Variants in PPM1N observed in about 807,000 individuals in gnomAD.
PPM1N encodes protein phosphatase, Mg2+/Mn2+ dependent 1N (putative).
A neutral mutation model predicts 32.6 loss-of-function variants in PPM1N; 35 were observed. The ratio of observed to expected loss-of-function variants is 1.07; its 90% CI spans 0.82 to 1.43. The LOEUF is 1.43. PPM1N is among the 40% of genes most tolerant of loss of function. The pLI, the probability that PPM1N is intolerant of heterozygous loss-of-function variation, is 0.00. For synonymous variants in PPM1N, 275 were observed against 270.5 expected (o/e 1.02, Z -0.16); for missense variants, 648 against 606.6 (o/e 1.07, Z -0.72).
intron 1 of PPM1N, chr19:45,499,650 C>T: frequency 6.5e-7 from 1 of 1,548,264 alleles, no homozygotes; most frequent in South Asian, 1.2e-5. Flanking sequence ...AGGGCGTGGT[C>T]TTTTGGAAAG....
chr19:45,498,749 C>G lies in PPM1N; in HGVS notation c.277C>G (p.Pro93Ala), dbSNP rs140525169. The G allele has an allele frequency of 4.5e-6, 7 of 1,557,166 alleles. No homozygotes were observed. The highest frequency in any genetic ancestry group is 5.2e-6 in the Non-Finnish European group (6 of 1,155,800). ...HCTWLSLPGL[P>A]PGWALFAVLD... ...CACTTGGCTTTCGTTACCTGGTCTGCCCCCGGGCTGGGCCTTGTTTGCCGT... is the reference window on the plus strand; with the variant it reads ...CACTTGGCTTTCGTTACCTGGTCTGGCCCCGGGCTGGGCCTTGTTTGCCGT... The change falls in exon 1 of 5, where the codon CCC (proline) becomes GCC (alanine). Residue 93 changes from proline (P) to alanine (A), a missense_variant. Transcript: ENST00000451287.
chr19:45,502,350 A>G lies in PPM1N; in HGVS notation c.*265A>G. On this transcript the variant is annotated 3_prime_UTR_variant, in exon 5 of 5. Transcript: ENST00000451287. ...AAAAAAAAAACAAAAAAACCCAACC[A>G]AATGTTTTTGAAATATTCAGAGCCG... 1.8e-6 allele frequency: 1 copy of G among 556,750 alleles called. No homozygotes were observed. 34.5% of individuals were successfully genotyped at this position (556,750 alleles called of 1,614,324 possible). A position where few individuals can be genotyped will look rare whatever the true frequency, so the allele number is the denominator to read the frequency against.
In PPM1N at chr19:45,502,299, GCCC is replaced by G; in HGVS notation, c.*215_*217del. ...CAACATCCAGACCAAAAAGAAAAAA[GCCC>G]AAATCGAAAAAAAAAAAAAAAAAAA... On this transcript the variant is annotated 3_prime_UTR_variant, in exon 5 of 5. Coordinates refer to ENST00000451287, the MANE Select transcript of PPM1N (RefSeq NM_001080401.2). The G allele has an allele frequency of 4.1e-5, 1 of 24,356 alleles. No homozygotes were observed. The allele number at this position is 24,356 out of a possible 1,614,324, so 1.5% of individuals were successfully genotyped here.
At position 45,498,536 on chromosome 19, in the gene PPM1N, G is replaced by A. The variant is rs894927524; in HGVS notation, c.64G>A (p.Glu22Lys). 4 of 1,437,084 alleles carry A rather than the reference G, an allele frequency of 2.8e-6. No homozygotes were observed. Among genetic ancestry groups the A allele is most frequent in the Non-Finnish European group, 3.6e-6 (4 of 1,099,262 alleles). The allele number at this position is 1,437,084 out of a possible 1,614,324, so 89.0% of individuals were successfully genotyped here. A position where few individuals can be genotyped will look rare whatever the true frequency, so the allele number is the denominator to read the frequency against. Residue 22 changes from glutamate (E) to lysine (K), a missense_variant, in exon 1 of 5, where the codon GAG becomes AAG. Physicochemically the swap from Glu to Lys is moderately conservative, Grantham distance 56 (BLOSUM62 1). Coordinates refer to ENST00000451287, the MANE Select transcript of PPM1N (RefSeq NM_001080401.2). ...LWTACKKKER[E>K]KEGREEEEEE... ...GACCGCTTGCAAGAAAAAGGAGAGG[G>A]AGAAGGAGGGGAGGGAGGAAGAGGA...
Position 45,500,063 on chromosome 19 carries a change from G to A in PPM1N, c.1054G>A (p.Ala352Thr), listed in dbSNP as rs779731684. ...GGACGCAGCCCTGGGCTGCAGAATC[G>A]CTGGTGAGCAGACTCTGGGGGCCCA... The part of the protein sequence containing the change: ...ALDAALGCRI[A>T]ELCASAQKPP... Residue 352 changes from alanine to threonine, a missense_variant, in exon 2 of 5, where the codon GCT (alanine) becomes ACT (threonine). Ala to Thr is a moderately conservative substitution (Grantham distance 58). Transcript: ENST00000451287. The A allele has an allele frequency of 2.5e-5, 40 of 1,588,948 alleles. No individual in the cohort carries two copies. Among genetic ancestry groups the A allele is most frequent in the Non-Finnish European group, 3.0e-5 (35 of 1,166,492 alleles).
intron 1 of PPM1N, 101 bp downstream of exon 1, chr19:45,499,512 A>C: frequency 1.3e-6 from 2 of 1,563,394 alleles, no homozygotes; most frequent in South Asian, 2.3e-5. Context: ...GCAAGAGTAA[A>C]GCTAGCAAAG....
intron 1 of PPM1N, 177 bp downstream of exon 1, chr19:45,499,588 C>T (rs538305368): frequency 6.5e-7 from 1 of 1,549,578 alleles, no homozygotes; most frequent in African/African-American, 1.4e-5. Flanking sequence ...AGGGGCGGAG[C>T]CTGAGGGATG....
Position 45,498,623 on chromosome 19 carries a change from C to G in PPM1N, c.151C>G (p.Arg51Gly). Residue 51 changes from arginine to glycine, a missense_variant, in exon 1 of 5, where the codon CGC (arginine) becomes GGC (glycine). Physicochemically the swap from Arg to Gly is moderately radical, Grantham distance 125. Transcript: ENST00000451287. Reference sequence around the variant, plus strand: ...TCGGTCTCTGTTGACAGCGCCGCGCCGCGCCCAGCGGCCGCACGGGGGTGC... The same window carrying G: ...TCGGTCTCTGTTGACAGCGCCGCGCGGCGCCCAGCGGCCGCACGGGGGTGC... ...GPRSLLTAPR[R>G]AQRPHGGAEA... The G allele has an allele frequency of 7.1e-7, 1 of 1,416,400 alleles. No individual in the cohort carries two copies. Among genetic ancestry groups the G allele is most frequent in the Non-Finnish European group, 9.2e-7 (1 of 1,091,054 alleles). 87.7% of individuals were successfully genotyped at this position (1,416,400 alleles called of 1,614,324 possible). A position where few individuals can be genotyped will look rare whatever the true frequency, so the allele number is the denominator to read the frequency against.
Position 45,500,562 on chromosome 19 carries a change from G to A in PPM1N, c.1163+1G>A, listed in dbSNP as rs779286372. 1 of 1,601,414 alleles carries A rather than the reference G, an allele frequency of 6.2e-7. No homozygotes were observed. The highest frequency in any genetic ancestry group is 8.5e-7 in the Non-Finnish European group (1 of 1,171,678). ...CTCCTGGGGGAGGGCTGGACTGCAA[G>A]TGAGTTGGGGTGAGGAAGGGTGGGG... On this transcript the variant is annotated splice_donor_variant, in intron 3 of 4. Coordinates refer to ENST00000451287, the MANE Select transcript of PPM1N (RefSeq NM_001080401.2). LOFTEE classifies it high-confidence loss of function.
Position 45,498,751 on chromosome 19 carries a change from C to A in PPM1N, c.279C>A (p.Pro93=). 1 of 1,558,240 alleles carries A rather than the reference C, an allele frequency of 6.4e-7. No individual in the cohort carries two copies. The highest frequency in any genetic ancestry group is 2.5e-5 in the East Asian group (1 of 40,506). ...HCTWLSLPGL[P]PGWALFAVLD... is the part of the protein sequence containing the mutation. ...CTTGGCTTTCGTTACCTGGTCTGCC[C>A]CCGGGCTGGGCCTTGTTTGCCGTCC... Residue 93 remains proline, a synonymous_variant, in exon 1 of 5, where the codon CCC becomes CCA. Transcript: ENST00000451287.
At chr19:45,500,145 T>TTC (rs1235495327) in intron 2 of PPM1N, 79 bp downstream of exon 2, 2 of 1,480,510 alleles carry the variant, frequency 1.4e-6, no homozygotes, top group Admixed American at 2.6e-5. Context: ...TTTTTTCTTT[T>TTC]TTTTTTTGAG....
At chr19:45,501,720 A>G (rs1467578728) in intron 4 of PPM1N, among the ~76,000 whole-genome samples, 1 of 152,134 alleles carries the variant, frequency 6.6e-6, no homozygotes, top group Non-Finnish European at 1.5e-5. Context: ...GGAGACTTGC[A>G]GCTCCAGGCT....
At chr19:45,500,343 C>T (rs2156916) in intron 2 of PPM1N, 113 bp from the exon 3 acceptor site, 148,035 of 947,860 alleles carry the variant, frequency 0.16, 12,459 homozygotes, top group South Asian at 0.23. Flanking sequence ...CGATGTTGTC[C>T]AGGCTGGTCT....
chr19:45,500,708 G>A lies in PPM1N; in HGVS notation c.1222G>A (p.Glu408Lys). The A allele has an allele frequency of 6.3e-7, 1 of 1,597,904 alleles. No individual in the cohort carries two copies. The highest frequency in any genetic ancestry group is 1.7e-5 in the Admixed American group (1 of 57,934). ...QICQVSEECG[E>K]KGQDGAGKSN... ...CTGCCAGGTCTCAGAAGAGTGCGGA[G>A]AGGTAAGGATCCTGTGTTCTCCAGT... Residue 408 changes from glutamate to lysine, a missense_variant and splice_region_variant, in exon 4 of 5, where the codon GAG becomes AAG. By Grantham distance (56) the Glu-to-Lys change is moderately conservative. Transcript: ENST00000451287.
chr19:45,498,928 C>A lies in PPM1N; in HGVS notation c.456C>A (p.Arg152=). Residue 152 remains arginine (R), a synonymous_variant, in exon 1 of 5, where the codon CGC becomes CGA. Transcript: ENST00000451287. ...TCTTGAGCGCCGACGAGCGCCTGCGCTCCCTCTGGCCCCGCGTGGAAACGG... is the reference window on the plus strand; with the variant it reads ...TCTTGAGCGCCGACGAGCGCCTGCGATCCCTCTGGCCCCGCGTGGAAACGG... ...RAFLSADERL[R]SLWPRVETGG... 6.5e-7 allele frequency: 1 copy of A among 1,539,212 alleles called. No homozygotes were observed. Among genetic ancestry groups the A allele is most frequent in the Non-Finnish European group, 8.7e-7 (1 of 1,151,918 alleles).
Position 45,500,447 on chromosome 19 carries a change from C to T in PPM1N, c.1058-9C>T. 6.3e-7 allele frequency: 1 copy of T among 1,598,936 alleles called. No homozygotes were observed. The highest frequency in any genetic ancestry group is 8.5e-7 in the Non-Finnish European group (1 of 1,172,326). ...ACTGTGCCCAGCCTAACTCTTGACT[C>T]TTTCTCAGAACTGTGTGCCTCTGCT... is the stretch of plus-strand genomic sequence containing the variant. On this transcript the variant is annotated splice_polypyrimidine_tract_variant and intron_variant, in intron 2 of 4. Transcript: ENST00000451287.
chr19:45,502,308 G>GAAAAAAAAAAAAAAAAAAA lies in PPM1N; in HGVS notation c.*231_*249dup, dbSNP rs61574042. ...GACCAAAAAGAAAAAAGCCCAAATC[G>GAAAAAAAAAAAAAAAAAAA]AAAAAAAAAAAAAAAAAAAAAAAAA... On this transcript the variant is annotated 3_prime_UTR_variant, in exon 5 of 5. Coordinates refer to ENST00000451287, the MANE Select transcript of PPM1N (RefSeq NM_001080401.2). 2 of 26,774 alleles carry GAAAAAAAAAAAAAAAAAAA rather than the reference G, an allele frequency of 7.5e-5. No homozygotes were observed. The highest frequency in any genetic ancestry group is 1.3e-4 in the Non-Finnish European group (2 of 14,852). 1.7% of individuals were successfully genotyped at this position (26,774 alleles called of 1,614,324 possible). A position where few individuals can be genotyped will look rare whatever the true frequency, so the allele number is the denominator to read the frequency against.
chr19:45,499,231 G>T lies in PPM1N; in HGVS notation c.759G>T (p.Ala253=), dbSNP rs771190947. 11 of 1,589,966 alleles carry T rather than the reference G, an allele frequency of 6.9e-6. No individual in the cohort carries two copies. In the East Asian group the frequency reaches 1.8e-4, roughly 26 times the overall value. ...CCCCCGAGCTACAGCTCGTTTCTGC[G>T]GAGCCAGAGGTGGCCGCACTGGCAC... The part of the protein sequence containing the change: ...GRPPELQLVS[A]EPEVAALARQ... Residue 253 remains alanine (A), a synonymous_variant, in exon 1 of 5, where the codon GCG becomes GCT. Transcript: ENST00000451287.
rs756223227 is a variant in PPM1N at position 45,498,723 on chromosome 19, G to A, written c.251G>A (p.Cys84Tyr). 5 of 1,545,250 alleles carry A rather than the reference G, an allele frequency of 3.2e-6. No homozygotes were observed. The highest frequency in any genetic ancestry group is 4.3e-6 in the Non-Finnish European group (5 of 1,149,840). ...GWRARMEDAH[C>Y]TWLSLPGLPP... ...CGCGCGCGCATGGAGGATGCTCACT[G>A]CACTTGGCTTTCGTTACCTGGTCTG... Residue 84 changes from cysteine (C) to tyrosine (Y), a missense_variant, in exon 1 of 5, where the codon TGC becomes TAC. Physicochemically the swap from Cys to Tyr is radical, Grantham distance 194. Transcript: ENST00000451287.
Sources: allele counts gnomAD v4.1 joint callset (sites outside exome capture counted in the v4.1 genomes callset), GRCh38; gene constraint gnomAD v4.1.1; transcripts MANE v1.5; gene names NCBI Gene and HGNC (gene_info 2026-07-23, HGNC 2026-07-21).